SLC35A3: variants seen among roughly 807,000 people sequenced by gnomAD.
SLC35A3 encodes UDP-N-acetylglucosamine transporter.
SLC35A3 carries 26 observed loss-of-function variants against 39.0 expected under a neutral mutation model. The observed-to-expected ratio is 0.67, with a 90% CI of 0.49 to 0.92. The LOEUF is 0.92. Ranked by LOEUF, SLC35A3 falls within the 40% of genes least tolerant of loss-of-function variation. The pLI, the probability that SLC35A3 is intolerant of heterozygous loss-of-function variation, is 0.00. For synonymous variants in SLC35A3, 135 were observed against 133.1 expected (o/e 1.01, Z -0.10); for missense variants, 299 against 371.6 (o/e 0.80, Z 1.61).
At chr1:99,982,506 A>T (rs1379563681) in intron 1 of SLC35A3, among the ~76,000 whole-genome samples, 2 of 152,168 alleles carry the variant, frequency 1.3e-5, no homozygotes, top group Non-Finnish European at 2.9e-5. Context: ...TTAGACCTGT[A>T]AAGTAACTCG....
intron 4 of SLC35A3, chr1:100,008,383 G>A (rs751893270): frequency 6.6e-6 from 1 of 152,172 alleles, no homozygotes; most frequent in African/African-American, 2.4e-5. Flanking sequence ...TTTTAAATTA[G>A]AAAGTTATTA....
chr1:99,976,994 T>C (rs1393781520), intron 1 of SLC35A3, among the ~76,000 whole-genome samples: 1 of 152,098 alleles, frequency 6.6e-6, no homozygotes, highest in Non-Finnish European at 1.5e-5. Flanking sequence ...AAAAGAATGT[T>C]TGACAGTTTG....
chr1:99,995,129 T>C (rs1256715497), intron 2 of SLC35A3, among the ~76,000 whole-genome samples: 3 of 141,776 alleles, frequency 2.1e-5, no homozygotes, highest in African/African-American at 8.0e-5. Flanking sequence ...TCTTTCTTTC[T>C]TTCTTTCTTT....
At chr1:100,018,525 ATTAT>A (rs1660319332) in intron 7 of SLC35A3, among the ~76,000 whole-genome samples, 1 of 151,970 alleles carries the variant, frequency 6.6e-6, no homozygotes, top group Non-Finnish European at 1.5e-5. Context: ...TTATTACTTT[ATTAT>A]TTATATGTTC....
In SLC35A3 at chr1:99,999,440, T is replaced by C. The variant is rs756495601; in HGVS notation, c.342+25T>C. On this transcript the variant is annotated intron_variant, in intron 3 of 7. Transcript: ENST00000533028. ...GGTACTTAAAATACATTTCTTTCTT[T>C]TTTAAAAAAACTTTTTTCTTATACA... is the stretch of plus-strand genomic sequence containing the variant. 5.8e-6 allele frequency: 9 copies of C among 1,541,662 alleles called. No homozygotes were observed. In the African/African-American group the frequency reaches 1.1e-4, roughly 19 times the overall value.
chr1:100,024,487 G>A lies in SLC35A3; in HGVS notation c.*2011G>A, dbSNP rs964586377. 6 of 152,290 alleles carry A rather than the reference G, an allele frequency of 3.9e-5. No individual in the cohort carries two copies. The allele number at this position is 152,290 out of a possible 1,614,324, so 9.4% of individuals were successfully genotyped here. A position where few individuals can be genotyped will look rare whatever the true frequency, so the allele number is the denominator to read the frequency against. On this transcript the variant is annotated 3_prime_UTR_variant, in exon 8 of 8. Transcript: ENST00000533028. ...AATTTCTTGAACACACCAGGTGGAA[G>A]TTGCAGTGAGCCAAGATCGTGCCAC...
At chr1:99,998,314 C>T (rs1057504795) in intron 2 of SLC35A3, among the ~76,000 whole-genome samples, 53 of 152,044 alleles carry the variant, frequency 3.5e-4, no homozygotes, top group African/African-American at 1.3e-3. Context: ...GCCACAACAC[C>T]CAGCTAGTTA....
Position 100,015,390 on chromosome 1 carries a change from C to T in SLC35A3, c.723C>T (p.Asn241=), listed in dbSNP as rs1246299109. 1 of 1,612,740 alleles carries T rather than the reference C, an allele frequency of 6.2e-7. No homozygotes were observed. Among genetic ancestry groups the T allele is most frequent in the Non-Finnish European group, 8.5e-7 (1 of 1,179,548 alleles). The change falls in exon 6 of 8, where the codon AAC becomes AAT. Residue 241 remains asparagine, a synonymous_variant. Coordinates refer to ENST00000533028, the MANE Select transcript of SLC35A3 (RefSeq NM_012243.3). ...VSKNGFFQGY[N]RLTWIVVVLQ... is the part of the protein sequence containing the mutation. ...AGAATGGATTTTTTCAGGGATATAA[C>T]CGACTGACCTGGATAGTAGTTGTTC...
intron 3 of SLC35A3, among the ~76,000 whole-genome samples, chr1:100,005,336 A>G (rs1317035518): frequency 3.3e-5 from 5 of 152,154 alleles, no homozygotes; most frequent in Non-Finnish European, 7.4e-5. Flanking sequence ...TCAAAACTTT[A>G]TTTATTTTGT....
chr1:99,982,003 CTT>C (rs549298454), intron 1 of SLC35A3, among the ~76,000 whole-genome samples: 68 of 125,802 alleles, frequency 5.4e-4, no homozygotes, highest in African/African-American at 1.3e-3. Flanking sequence ...AGGATGTATT[CTT>C]TTTTTTTTTT....
At chr1:100,013,852 C>T (rs1003897598) in intron 5 of SLC35A3, among the ~76,000 whole-genome samples, 6 of 152,124 alleles carry the variant, frequency 3.9e-5, no homozygotes, top group Non-Finnish European at 7.4e-5. Context: ...TCATCCTTTT[C>T]ACTTCCTTTC....
intron 7 of SLC35A3, among the ~76,000 whole-genome samples, chr1:100,018,641 T>C (rs1008398133): frequency 1.3e-5 from 2 of 152,166 alleles, no homozygotes; most frequent in Non-Finnish European, 2.9e-5. Flanking sequence ...GCAATCCTCC[T>C]GCCTCAGCCT....
At chr1:99,992,871 T>C (rs2101127967) in intron 1 of SLC35A3, among the ~76,000 whole-genome samples, 1 of 152,326 alleles carries the variant, frequency 6.6e-6, no homozygotes, top group East Asian at 1.9e-4. Flanking sequence ...GAGTACTGCC[T>C]CCTTGCAAAC....
rs1331463880 is a variant in SLC35A3, at chr1:100,025,933, GTATTA to G, written c.*3464_*3468del. On this transcript the variant is annotated 3_prime_UTR_variant, in exon 8 of 8. Transcript: ENST00000533028. ...AACAAATGGATATTTCAACACAGTA[GTATTA>G]TATTATCAGTTCTTTAGTAAGTGAT... is the stretch of plus-strand genomic sequence containing the variant. 2.0e-5 allele frequency: 3 copies of G among 152,114 alleles called. No individual in the cohort carries two copies. The highest frequency in any genetic ancestry group is 7.2e-5 in the African/African-American group (3 of 41,426). 9.4% of individuals were successfully genotyped at this position (152,114 alleles called of 1,614,324 possible).
chr1:100,004,441 A>G (rs1338717430), intron 3 of SLC35A3, among the ~76,000 whole-genome samples: 1 of 152,156 alleles, frequency 6.6e-6, no homozygotes, highest in Non-Finnish European at 1.5e-5. Flanking sequence ...AGCTGGGCCT[A>G]CCCATGCACA....
rs1658884546 is a variant in SLC35A3, at chr1:100,002,587, C to T, written c.342+3172C>T. ...CATCCTTTGTATTTTTGTTTAGTTT[C>T]TATTTCATTTAGTTCTGCCCTGATC... On this transcript the variant is annotated intron_variant, in intron 3 of 7. Transcript: ENST00000533028. Among the ~76,000 whole-genome samples the T allele has an allele frequency of 2.0e-5, 3 of 151,870 alleles. No homozygotes were observed. The South Asian group carries it at 6.2e-4, about 32-fold the overall frequency.
intron 1 of SLC35A3, among the ~76,000 whole-genome samples, chr1:99,989,393 C>A (rs1657943477): frequency 6.6e-6 from 1 of 152,168 alleles, no homozygotes; most frequent in Non-Finnish European, 1.5e-5. Context: ...AAGCAATTCT[C>A]CTGCCTCAGC....
chr1:100,014,906 C>T (rs2101415947), intron 5 of SLC35A3, among the ~76,000 whole-genome samples: 1 of 152,144 alleles, frequency 6.6e-6, no homozygotes, highest in East Asian at 1.9e-4. Context: ...CACCTGTAAT[C>T]CCAGGACTTT....
intron 1 of SLC35A3, chr1:99,974,878 TTC>T (rs1657022701): frequency 1.3e-5 from 2 of 152,186 alleles, no homozygotes; most frequent in Non-Finnish European, 2.9e-5. Flanking sequence ...CTATTTTTAC[TTC>T]TCTCATGAAG....
Sources: gnomAD v4.1 joint callset for allele counts (sites outside exome capture counted in the v4.1 genomes callset) on GRCh38, gnomAD v4.1.1 for gene constraint, MANE v1.5 for transcripts, NCBI Gene and HGNC (gene_info 2026-07-23, HGNC 2026-07-21) for gene names.